Variants in GBF1 observed in about 807,000 individuals in gnomAD.
The protein encoded by GBF1 is Golgi-specific brefeldin A-resistance guanine nucleotide exchange factor 1.
In GBF1, 114 loss-of-function variants were observed where a neutral mutation model predicts 210.5. The ratio of observed to expected loss-of-function variants is 0.54; its 90% CI spans 0.47 to 0.63. The LOEUF (loss-of-function observed/expected upper bound fraction) is 0.63, where lower values mean the gene tolerates loss of function less well. GBF1 is among the 30% of genes least tolerant of loss of function. The pLI is 0.00. For missense variants in GBF1, 1,851 were observed against 2,357.7 expected (o/e 0.79, Z 4.45); for synonymous variants, 850 against 889.2 (o/e 0.96, Z 0.78).
At chr10:102,248,617 A>AT (rs964053972) in intron 1 of GBF1, among the ~76,000 whole-genome samples, 2,182 of 147,324 alleles carry the variant, frequency 0.015, 22 homozygotes, top group Middle Eastern at 0.038. Flanking sequence ...CCATGCCTTT[A>AT]TTTTTTTTTT....
chr10:102,339,738 T>A (rs2058041402), intron 3 of GBF1, among the ~76,000 whole-genome samples: 2 of 152,028 alleles, frequency 1.3e-5, no homozygotes, highest in South Asian at 4.1e-4. Flanking sequence ...GACACATAGA[T>A]CAATGAAACA....
intron 3 of GBF1, among the ~76,000 whole-genome samples, chr10:102,296,170 G>T (rs1285086745): frequency 6.6e-6 from 1 of 152,060 alleles, no homozygotes; most frequent in African/African-American, 2.4e-5. Flanking sequence ...CTTAAACCAA[G>T]GTCACATAGC....
intron 3 of GBF1, among the ~76,000 whole-genome samples, chr10:102,340,162 C>T (rs2134490569): frequency 6.6e-6 from 1 of 151,942 alleles, no homozygotes; most frequent in Admixed American, 6.6e-5. Flanking sequence ...ACCATGTTTG[C>T]CAGGCTGGTC....
At chr10:102,244,419 C>T (rs1252040346), upstream of GBF1, among the ~76,000 whole-genome samples, 1 of 152,202 alleles carries the variant, frequency 6.6e-6, no homozygotes, top group African/African-American at 2.4e-5. Context: ...GAAAACCCAT[C>T]CTCTTGTCCT....
intron 3 of GBF1, among the ~76,000 whole-genome samples, chr10:102,261,393 A>G (rs1367686396): frequency 3.3e-5 from 5 of 152,078 alleles, no homozygotes; most frequent in African/African-American, 1.2e-4. Context: ...GTTGACCACA[A>G]AGGGCTCCTG....
intron 29 of GBF1, 111 bp from the exon 30 acceptor site, chr10:102,375,248 C>G (rs945301406): frequency 2.9e-6 from 2 of 690,508 alleles, no homozygotes; most frequent in African/African-American, 3.5e-5. Context: ...TGGGTCCTAG[C>G]CAAACTGTCT....
At chr10:102,280,019 G>T (rs140004146) in intron 3 of GBF1, among the ~76,000 whole-genome samples, 21 of 152,182 alleles carry the variant, frequency 1.4e-4, no homozygotes, top group African/African-American at 5.1e-4. Flanking sequence ...AGCTACTTGA[G>T]AGGCTAAGAC....
In GBF1 at chr10:102,382,393, C is replaced by T. The variant is rs1057273374; in HGVS notation, c.*57C>T. 74 of 1,469,858 alleles carry T rather than the reference C, an allele frequency of 5.0e-5. No individual in the cohort carries two copies. Among genetic ancestry groups the T allele is most frequent in the Non-Finnish European group, 6.4e-5 (69 of 1,083,326 alleles). 91.1% of individuals were successfully genotyped at this position (1,469,858 alleles called of 1,614,324 possible). On this transcript the variant is annotated 3_prime_UTR_variant, in exon 40 of 40. Transcript: ENST00000369983. ...TCCCACCAGGCTTTCCTTGACCCCA[C>T]TTCTGGCTGTCCTGCGGGCCACAAG...
rs1396347291 is a variant in GBF1, at chr10:102,360,873, G to A, written c.1393-149G>A. ...GCCTGTAATCCCAGCTTCTTGGGAGGCTGAGGAAGGAGAATATCTTAAACC... is the reference window on the plus strand; with the variant it reads ...GCCTGTAATCCCAGCTTCTTGGGAGACTGAGGAAGGAGAATATCTTAAACC... On this transcript the variant is annotated intron_variant, in intron 12 of 39. Transcript: ENST00000369983. 4.8e-6 allele frequency: 3 copies of A among 624,656 alleles called. No individual in the cohort carries two copies. The African/African-American group carries it at 5.5e-5, about 11-fold the overall frequency. The allele number at this position is 624,656 out of a possible 1,614,324, so 38.7% of individuals were successfully genotyped here.
upstream of GBF1, among the ~76,000 whole-genome samples, chr10:102,245,143 A>C (rs1449127461): frequency 6.6e-6 from 1 of 152,176 alleles, no homozygotes; most frequent in Non-Finnish European, 1.5e-5. Context: ...ACAGGGGAGT[A>C]GGGATGCCCG....
chr10:102,293,764 GTTTTGT>G (rs2076650683), intron 3 of GBF1, among the ~76,000 whole-genome samples: 2 of 50,896 alleles, frequency 3.9e-5, no homozygotes, highest in Non-Finnish European at 8.5e-5. Flanking sequence ...GCTGTAGTAT[GTTTTGT>G]GTTTTTTTTT....
chr10:102,334,773 G>A (rs114026010), intron 3 of GBF1, among the ~76,000 whole-genome samples: 1,865 of 151,972 alleles, frequency 0.012, 33 homozygotes, highest in African/African-American at 0.043. Context: ...TGCTTGAACC[G>A]GAGAGGCGGA....
chr10:102,372,345 G>A (rs903261980), intron 29 of GBF1, among the ~76,000 whole-genome samples: 4 of 151,532 alleles, frequency 2.6e-5, no homozygotes, highest in Admixed American at 6.6e-5. Flanking sequence ...GAGAAACCTC[G>A]TCTCTACTAA....
intron 3 of GBF1, among the ~76,000 whole-genome samples, chr10:102,304,415 G>A (rs1229978110): frequency 6.6e-6 from 1 of 152,004 alleles, no homozygotes; most frequent in Non-Finnish European, 1.5e-5. Flanking sequence ...ATTTTGGAGT[G>A]GTAAAATAAA....
chr10:102,258,150 ATT>A (rs60505807), intron 1 of GBF1, among the ~76,000 whole-genome samples: 24,408 of 96,934 alleles, frequency 0.25, 2,777 homozygotes, highest in African/African-American at 0.42. Flanking sequence ...AGTATTACAG[ATT>A]TTTTTTTTTT....
intron 24 of GBF1, 65 bp from the exon 25 acceptor site, chr10:102,369,646 T>C: frequency 1.4e-6 from 2 of 1,454,456 alleles, no homozygotes; most frequent in Admixed American, 3.5e-5. Flanking sequence ...AGAACTTTGG[T>C]GGGTGGAGGC....
At chr10:102,316,132 G>A (rs2078911719) in intron 3 of GBF1, among the ~76,000 whole-genome samples, 1 of 139,872 alleles carries the variant, frequency 7.1e-6, no homozygotes, top group African/African-American at 2.7e-5. Context: ...TGTCGCCCAA[G>A]CTGGAGTGCA....
At chr10:102,381,286 C>T (rs755654468) in intron 39 of GBF1, 31 bp downstream of exon 39, 2 of 1,608,236 alleles carry the variant, frequency 1.2e-6, no homozygotes, top group Non-Finnish European at 8.5e-7. Flanking sequence ...CTGATAGGCA[C>T]TGAGTAGCAA....
intron 3 of GBF1, among the ~76,000 whole-genome samples, chr10:102,313,005 T>C (rs370072944): frequency 6.6e-6 from 1 of 152,142 alleles, no homozygotes; most frequent in South Asian, 2.1e-4. Flanking sequence ...TAGCCCTGTG[T>C]GCAGGGCTGT....
Sources: allele counts gnomAD v4.1 joint callset (sites outside exome capture counted in the v4.1 genomes callset), GRCh38; gene constraint gnomAD v4.1.1; transcripts MANE v1.5; gene names NCBI Gene and HGNC (gene_info 2026-07-23, HGNC 2026-07-21).